SLIT3: variants seen among roughly 807,000 people sequenced by gnomAD.
SLIT3 encodes slit guidance ligand 3, also known as slit homolog 3 protein.
A neutral mutation model predicts 184.0 loss-of-function variants in SLIT3; 68 were observed. That is an observed-to-expected ratio of 0.37 (90% CI 0.30 to 0.45). The LOEUF (loss-of-function observed/expected upper bound fraction) is 0.45, where lower values mean the gene tolerates loss of function less well. SLIT3 is among the 20% of genes least tolerant of loss of function. SLIT3 has a pLI of 1.00. For missense variants in SLIT3, 1,707 were observed against 2,026.0 expected (o/e 0.84, Z 3.02); for synonymous variants, 831 against 828.6 (o/e 1.00, Z -0.05).
At chr5:168,823,130 A>G (rs577627112) in intron 7 of SLIT3, 130 bp downstream of exon 7, 84 of 801,742 alleles carry the variant, frequency 1.0e-4, no homozygotes, top group Non-Finnish European at 1.5e-4. Context: ...TTAATAGCAG[A>G]AGGAGGAATT....
At chr5:168,918,344 A>C (rs2113113028) in intron 4 of SLIT3, among the ~76,000 whole-genome samples, 1 of 152,318 alleles carries the variant, frequency 6.6e-6, no homozygotes, top group East Asian at 1.9e-4. Context: ...CATCTTACAT[A>C]TATATGCATT....
intron 4 of SLIT3, among the ~76,000 whole-genome samples, chr5:168,964,827 C>T (rs569815361): frequency 6.6e-6 from 1 of 152,330 alleles, no homozygotes; most frequent in East Asian, 1.9e-4. Context: ...TGCTCTGTAT[C>T]ATCTGCACAC....
intron 3 of SLIT3, among the ~76,000 whole-genome samples, chr5:169,210,776 G>C (rs1764237938): frequency 6.6e-6 from 1 of 152,190 alleles, no homozygotes; most frequent in Admixed American, 6.5e-5. Context: ...TTAGAATAGA[G>C]ACAGGGCGTG....
chr5:169,187,892 C>T (rs2113458076), intron 4 of SLIT3, among the ~76,000 whole-genome samples: 1 of 151,132 alleles, frequency 6.6e-6, no homozygotes, highest in Non-Finnish European at 1.5e-5. Flanking sequence ...AAGTTGTGAA[C>T]CCATGTGTCC....
At chr5:168,878,701 G>T (rs895212822) in intron 5 of SLIT3, among the ~76,000 whole-genome samples, 1 of 148,406 alleles carries the variant, frequency 6.7e-6, no homozygotes. Flanking sequence ...GAAAATGTGG[G>T]TATCACAGTT....
intron 3 of SLIT3, among the ~76,000 whole-genome samples, chr5:169,218,208 A>G (rs777755618): frequency 2.0e-5 from 3 of 152,166 alleles, no homozygotes; most frequent in Non-Finnish European, 4.4e-5. Flanking sequence ...CTTTTGAGTC[A>G]CTTCAGATCT....
intron 1 of SLIT3, among the ~76,000 whole-genome samples, chr5:169,255,304 T>C (rs1203990602): frequency 6.6e-6 from 1 of 152,174 alleles, no homozygotes; most frequent in African/African-American, 2.4e-5. Flanking sequence ...GAGGAAGGCA[T>C]TGTTATCATA....
At chr5:168,783,838 T>C (rs2113569966) in intron 12 of SLIT3, among the ~76,000 whole-genome samples, 1 of 152,288 alleles carries the variant, frequency 6.6e-6, no homozygotes, top group Middle Eastern at 3.4e-3. Flanking sequence ...CTGCCTGAGT[T>C]GTGTCAACTC....
intron 4 of SLIT3, among the ~76,000 whole-genome samples, chr5:169,108,880 G>T (rs1459617105): frequency 6.6e-6 from 1 of 152,216 alleles, no homozygotes; most frequent in Admixed American, 6.5e-5. Context: ...AATCCTGGCT[G>T]AGTGAAGAAA....
intron 4 of SLIT3, among the ~76,000 whole-genome samples, chr5:169,029,749 G>T (rs1368904921): frequency 6.6e-6 from 1 of 152,168 alleles, no homozygotes; most frequent in South Asian, 2.1e-4. Context: ...TTTTAGCATT[G>T]TGTGGGGAGG....
intron 4 of SLIT3, among the ~76,000 whole-genome samples, chr5:168,961,795 T>C (rs937975982): frequency 6.6e-6 from 1 of 152,106 alleles, no homozygotes; most frequent in African/African-American, 2.4e-5. Flanking sequence ...TTCTGTACCA[T>C]GGTAGGAACT....
At chr5:169,070,020 C>T (rs1254961824) in intron 4 of SLIT3, among the ~76,000 whole-genome samples, 1 of 152,070 alleles carries the variant, frequency 6.6e-6, no homozygotes, top group African/African-American at 2.4e-5. Flanking sequence ...ATAGCCCATG[C>T]ACAAGGTGAC....
intron 4 of SLIT3, among the ~76,000 whole-genome samples, chr5:168,945,246 A>ATT (rs34333315): frequency 0.39 from 57,373 of 147,846 alleles, 11,003 homozygotes; most frequent in Admixed American, 0.42. Context: ...TGGTATCCAC[A>ATT]TTTTTTTTTT....
In SLIT3 at chr5:168,760,876, G is replaced by A. The variant is rs1204604673; in HGVS notation, c.1671C>T (p.Pro557=). 2.5e-6 allele frequency: 4 copies of A among 1,612,956 alleles called. No individual in the cohort carries two copies. The South Asian group carries it at 4.4e-5, about 18-fold the overall frequency. The change falls in exon 16 of 36, where the codon CCC becomes CCT. Residue 557 remains proline (P), a synonymous_variant. Coordinates refer to ENST00000519560, the MANE Select transcript of SLIT3 (RefSeq NM_003062.4). ...AGTTGACTTACATTTTCCGCAGGTTGGGCAACTTCTTGAAGATGCCAGTGG... is the reference window on the plus strand; with the variant it reads ...AGTTGACTTACATTTTCCGCAGGTTAGGCAACTTCTTGAAGATGCCAGTGG... ...LEATGIFKKL[P]NLRKINLSNN...
chr5:169,043,037 G>C (rs1460669112), intron 4 of SLIT3, among the ~76,000 whole-genome samples: 3 of 152,034 alleles, frequency 2.0e-5, no homozygotes, highest in African/African-American at 7.2e-5. Flanking sequence ...ACTACTAATG[G>C]CTTCCTTTAT....
At chr5:169,166,169 C>A (rs1271550036) in intron 4 of SLIT3, among the ~76,000 whole-genome samples, 3 of 152,196 alleles carry the variant, frequency 2.0e-5, no homozygotes, top group Non-Finnish European at 4.4e-5. Flanking sequence ...TCCTCCTCCT[C>A]TTCTGGGGTC....
intron 4 of SLIT3, among the ~76,000 whole-genome samples, chr5:169,174,550 G>A (rs369079717): frequency 1.3e-5 from 2 of 152,092 alleles, no homozygotes; most frequent in South Asian, 4.1e-4. Flanking sequence ...TTCCCTTGAC[G>A]TCAAATGGGA....
At chr5:169,221,749 C>T (rs1008048188) in intron 3 of SLIT3, among the ~76,000 whole-genome samples, 9 of 152,224 alleles carry the variant, frequency 5.9e-5, no homozygotes, top group South Asian at 2.1e-4. Context: ...CCTTTCATCA[C>T]GTCTTGGTAT....
At chr5:169,000,113 A>G (rs1337383936) in intron 4 of SLIT3, among the ~76,000 whole-genome samples, 1 of 152,154 alleles carries the variant, frequency 6.6e-6, no homozygotes, top group Non-Finnish European at 1.5e-5. Context: ...ATTATTAAGA[A>G]GTTATGGCCG....
Sources: allele counts gnomAD v4.1 joint callset (sites outside exome capture counted in the v4.1 genomes callset), GRCh38; gene constraint gnomAD v4.1.1; transcripts MANE v1.5; gene names NCBI Gene and HGNC (gene_info 2026-07-23, HGNC 2026-07-21).